The following HACD2 variants were observed in gnomAD, a reference collection of about 807,000 sequenced individuals.
HACD2 encodes 3-hydroxyacyl-CoA dehydratase 2, also known as very-long-chain (3R)-3-hydroxyacyl-CoA dehydratase 2.
In HACD2, 15 loss-of-function variants were observed where a neutral mutation model predicts 31.0. The observed-to-expected ratio is 0.48, with a 90% confidence interval of 0.32 to 0.75. The LOEUF (loss-of-function observed/expected upper bound fraction) is 0.75. HACD2 is among the 30% of genes least tolerant of loss of function. HACD2 has a pLI of 0.03. For synonymous variants in HACD2, 115 were observed against 122.2 expected, an observed-to-expected ratio of 0.94 and a Z score of 0.39; for missense variants, 283 against 313.0, an observed-to-expected ratio of 0.90 and a Z score of 0.72.
intron 4 of HACD2, among the ~76,000 whole-genome samples, chr3:123,522,332 C>CA (rs34478912): frequency 0.57 from 67,322 of 117,110 alleles, 19,521 homozygotes; most frequent in Non-Finnish European, 0.65. Context: ...TGTCTCCAAA[C>CA]AAAAAAAAAA....
intron 4 of HACD2, among the ~76,000 whole-genome samples, chr3:123,518,262 A>T (rs1403499369): frequency 1.3e-5 from 2 of 152,218 alleles, no homozygotes; most frequent in African/African-American, 4.8e-5. Context: ...TCTCATTTTA[A>T]AAATCTAGAT....
rs1398454770 is a variant in HACD2, at chr3:123,502,551, C to T, written c.503+9G>A. On this transcript the variant is annotated intron_variant, in intron 5 of 6. Transcript: ENST00000383657. ...TCAAAAGTGAGCCTTTTGAAATGTG[C>T]TTTTTTACCTGGCCCATTTGATGAG... 1.9e-6 allele frequency: 3 copies of T among 1,610,190 alleles called. No homozygotes were observed. The highest frequency in any genetic ancestry group is 2.5e-6 in the Non-Finnish European group (3 of 1,177,902).
intron 3 of HACD2, among the ~76,000 whole-genome samples, chr3:123,567,021 G>A (rs1413766534): frequency 1.3e-5 from 2 of 152,144 alleles, no homozygotes; most frequent in Non-Finnish European, 2.9e-5. Flanking sequence ...GTATAGATTT[G>A]CAGTTCTCAA....
intron 3 of HACD2, among the ~76,000 whole-genome samples, chr3:123,535,477 A>G (rs1478063670): frequency 1.3e-5 from 2 of 152,260 alleles, no homozygotes; most frequent in Non-Finnish European, 2.9e-5. Context: ...CCAAAAAGCA[A>G]TAGGTACAAC....
intron 2 of HACD2, among the ~76,000 whole-genome samples, chr3:123,569,158 A>G (rs928095715): frequency 2.8e-4 from 43 of 152,246 alleles, no homozygotes; most frequent in Non-Finnish European, 2.9e-5. Context: ...GGTAACTGAC[A>G]GGAGAACAAA....
chr3:123,514,602 C>T (rs909940895), intron 4 of HACD2, among the ~76,000 whole-genome samples: 3 of 152,066 alleles, frequency 2.0e-5, no homozygotes, highest in African/African-American at 7.2e-5. Context: ...TATCAACAAG[C>T]GTACATGAAT....
chr3:123,532,825 C>T (rs1389492536), intron 3 of HACD2, among the ~76,000 whole-genome samples: 1 of 101,694 alleles, frequency 9.8e-6, no homozygotes, highest in Non-Finnish European at 1.8e-5. Context: ...CAGAGTGAGA[C>T]TCCGTCTCAA....
intron 4 of HACD2, among the ~76,000 whole-genome samples, chr3:123,513,479 TGAG>T (rs1359424329): frequency 6.6e-6 from 1 of 152,210 alleles, no homozygotes; most frequent in African/African-American, 2.4e-5. Context: ...GCGTGCCTCC[TGAG>T]AAGAGCAGGC....
chr3:123,515,765 T>G (rs1283405810), intron 4 of HACD2, among the ~76,000 whole-genome samples: 1 of 151,184 alleles, frequency 6.6e-6, no homozygotes, highest in Non-Finnish European at 1.5e-5. Context: ...GGGTTTTTTG[T>G]TTTTTTTTGA....
In HACD2 at chr3:123,520,403, T is replaced by G. The variant is rs148441070; in HGVS notation, c.381+7983A>C. Reference sequence around the variant, plus strand: ...TCATACTGAATAGCCAGAGCTACACTGTCTAATAGTGCAACTTCTAGTCAC... The same window carrying G: ...TCATACTGAATAGCCAGAGCTACACGGTCTAATAGTGCAACTTCTAGTCAC... On this transcript the variant is annotated intron_variant, in intron 4 of 6. Transcript: ENST00000383657. Among the ~76,000 whole-genome samples the G allele has an allele frequency of 1.5e-4, 23 of 152,328 alleles. 1 individual carries two copies. In the East Asian group the frequency reaches 4.4e-3, roughly 29 times the overall value.
intron 4 of HACD2, among the ~76,000 whole-genome samples, chr3:123,512,077 C>T (rs971044186): frequency 6.6e-6 from 1 of 152,134 alleles, no homozygotes; most frequent in Non-Finnish European, 1.5e-5. Context: ...GAACCATGAA[C>T]CAAATAGACC....
chr3:123,545,998 A>G (rs1450669940), intron 3 of HACD2, among the ~76,000 whole-genome samples: 1 of 152,114 alleles, frequency 6.6e-6, no homozygotes, highest in African/African-American at 2.4e-5. Flanking sequence ...AGAATGAACC[A>G]CCGTGCCTGG....
chr3:123,577,931 T>A (rs1559937350), intron 2 of HACD2, among the ~76,000 whole-genome samples: 1 of 152,198 alleles, frequency 6.6e-6, no homozygotes, highest in Non-Finnish European at 1.5e-5. Context: ...TACAATCTAG[T>A]GGTTTTTAAT....
intron 4 of HACD2, among the ~76,000 whole-genome samples, chr3:123,513,320 TCA>T (rs2056087255): frequency 1.3e-5 from 2 of 152,152 alleles, no homozygotes; most frequent in Non-Finnish European, 2.9e-5. Flanking sequence ...TTGATAACCA[TCA>T]CAGAGGTGGC....
intron 4 of HACD2, among the ~76,000 whole-genome samples, chr3:123,520,813 T>A (rs1338039923): frequency 6.6e-6 from 1 of 152,242 alleles, no homozygotes; most frequent in African/African-American, 2.4e-5. Context: ...TAGAGCCTTG[T>A]TTCCCCGTGT....
chr3:123,563,638 TATATATACACACAC>T (rs947004032), intron 3 of HACD2, among the ~76,000 whole-genome samples: 14 of 76,654 alleles, frequency 1.8e-4, no homozygotes, highest in African/African-American at 1.0e-3. Context: ...GACAAAAAAA[TATATATACACACAC>T]ACACACACAC....
At chr3:123,567,550 TG>T (rs2056805009) in intron 3 of HACD2, among the ~76,000 whole-genome samples, 1 of 152,314 alleles carries the variant, frequency 6.6e-6, no homozygotes, top group East Asian at 1.9e-4. Context: ...ACAAAATAGC[TG>T]TGAACTTTAA....
At chr3:123,557,092 G>A (rs1389078176) in intron 3 of HACD2, among the ~76,000 whole-genome samples, 5 of 152,182 alleles carry the variant, frequency 3.3e-5, no homozygotes, top group Admixed American at 3.3e-4. Flanking sequence ...CTAAAACAGG[G>A]GTCCCCAGTC....
At chr3:123,558,068 C>T (rs2056690898) in intron 3 of HACD2, among the ~76,000 whole-genome samples, 1 of 152,160 alleles carries the variant, frequency 6.6e-6, no homozygotes, top group Non-Finnish European at 1.5e-5. Context: ...TGTGGTACAT[C>T]CAGACAACGG....
Sources: gnomAD v4.1 joint callset for allele counts (sites outside exome capture counted in the v4.1 genomes callset) on GRCh38, gnomAD v4.1.1 for gene constraint, MANE v1.5 for transcripts, NCBI Gene and HGNC (gene_info 2026-07-23, HGNC 2026-07-21) for gene names.